CACNA2D1: variants seen among roughly 807,000 people sequenced by gnomAD.
The protein encoded by CACNA2D1 is voltage-dependent calcium channel subunit alpha-2/delta-1.
In CACNA2D1, 53 loss-of-function variants were observed where a neutral mutation model predicts 171.5. The observed-to-expected ratio is 0.31, with a 90% CI of 0.25 to 0.39. CACNA2D1 has a LOEUF of 0.39. Among genes scored for constraint, CACNA2D1 ranks in the 10% least tolerant of loss-of-function variants. The pLI is 1.00. For missense variants in CACNA2D1, 903 were observed against 1,299.8 expected (o/e 0.69, Z 4.69); for synonymous variants, 442 against 443.1 (o/e 1.00, Z 0.03).
intron 38 of CACNA2D1, among the ~76,000 whole-genome samples, chr7:81,952,905 C>A (rs935899451): frequency 6.6e-6 from 1 of 151,994 alleles, no homozygotes. Context: ...CTTGACTTGC[C>A]TTGCCCCTAA....
At chr7:82,248,851 C>CT (rs1411567305) in intron 3 of CACNA2D1, among the ~76,000 whole-genome samples, 3 of 151,662 alleles carry the variant, frequency 2.0e-5, no homozygotes, top group Non-Finnish European at 4.4e-5. Flanking sequence ...GGCGCGGTGG[C>CT]TCACGCCTCT....
chr7:82,104,702 C>A (rs969934062), intron 6 of CACNA2D1, among the ~76,000 whole-genome samples: 2 of 152,024 alleles, frequency 1.3e-5, no homozygotes, highest in African/African-American at 4.8e-5. Context: ...AAGCAACCCA[C>A]AACATCCTTT....
chr7:82,374,342 C>T (rs1283108592), intron 1 of CACNA2D1, among the ~76,000 whole-genome samples: 2 of 152,186 alleles, frequency 1.3e-5, no homozygotes, highest in African/African-American at 2.4e-5. Flanking sequence ...TAGTCATTAA[C>T]AGGAATCACC....
chr7:82,300,612 C>T lies in CACNA2D1; in HGVS notation c.294+34523G>A, dbSNP rs575917409. On this transcript the variant is annotated intron_variant, in intron 3 of 38. Transcript: ENST00000356860. ...ATTTCTAACTCCTAAAGTTTAAACA[C>T]GTCAACCATGTTTTCCAACTTAAGG... 3.9e-5 allele frequency among the ~76,000 whole-genome samples: 6 copies of T among 152,182 alleles called. No homozygotes were observed. The East Asian group carries it at 9.6e-4, about 24-fold the overall frequency.
At chr7:82,308,683 T>C (rs985187397) in intron 3 of CACNA2D1, among the ~76,000 whole-genome samples, 1 of 152,228 alleles carries the variant, frequency 6.6e-6, no homozygotes, top group Non-Finnish European at 1.5e-5. Context: ...ACCCATACCA[T>C]GGGAAAGGCA....
At chr7:82,107,976 A>C (rs1219034853) in intron 6 of CACNA2D1, among the ~76,000 whole-genome samples, 1 of 152,200 alleles carries the variant, frequency 6.6e-6, no homozygotes, top group Non-Finnish European at 1.5e-5. Context: ...CAGGAAAGTC[A>C]TCCTTATCCA....
At position 82,380,787 on chromosome 7, in the gene CACNA2D1, C is replaced by T. The variant is rs1007247513; in HGVS notation, c.96-31138G>A. Among the ~76,000 whole-genome samples the T allele has an allele frequency of 8.5e-5, 13 of 152,060 alleles. No homozygotes were observed. The East Asian group carries it at 2.4e-3, about 28-fold the overall frequency. ...TCGGCTCACTGCGACCTCCGCCTGCCAGGTTCAAGCGATTTTCATGCCTCA... is the reference window on the plus strand; with the variant it reads ...TCGGCTCACTGCGACCTCCGCCTGCTAGGTTCAAGCGATTTTCATGCCTCA... On this transcript the variant is annotated intron_variant, in intron 1 of 38. Transcript: ENST00000356860.
chr7:82,386,493 T>A (rs2129450015), intron 1 of CACNA2D1, among the ~76,000 whole-genome samples: 1 of 152,176 alleles, frequency 6.6e-6, no homozygotes, highest in East Asian at 1.9e-4. Flanking sequence ...ATGCCTTTAA[T>A]CCCAGCACTT....
At chr7:82,043,073 G>A (rs1804148308) in intron 10 of CACNA2D1, among the ~76,000 whole-genome samples, 1 of 152,102 alleles carries the variant, frequency 6.6e-6, no homozygotes, top group Non-Finnish European at 1.5e-5. Context: ...TTTGGATGTG[G>A]ACTTTAAGAA....
In CACNA2D1 at chr7:81,961,942, T is replaced by A. The variant is rs768408345; in HGVS notation, c.2918A>T (p.Asn973Ile). The change falls in exon 36 of 39, where the codon AAC becomes ATC. Residue 973 changes from asparagine to isoleucine, a missense_variant. By Grantham distance (149) the Asn-to-Ile change is moderately radical. This residue lies in a region of CACNA2D1 where 623 missense variants were observed against 925.5 expected (regional missense o/e 0.67). Coordinates refer to ENST00000356860, the MANE Select transcript of CACNA2D1 (RefSeq NM_000722.4). The stretch of plus-strand genomic sequence containing the variant: ...TACACCACTGAATGATTTACTGTCG[T>A]TATCGAAGAAATACTGGGTTTGTTC... The part of the protein sequence containing the change: ...ITEQTQYFFD[N>I]DSKSFSGVLD... 2.5e-5 allele frequency: 41 copies of A among 1,611,514 alleles called. No homozygotes were observed. The highest frequency in any genetic ancestry group is 1.3e-4 in the Admixed American group (8 of 59,852).
At chr7:82,076,334 G>A (rs886346759) in intron 7 of CACNA2D1, among the ~76,000 whole-genome samples, 5 of 152,086 alleles carry the variant, frequency 3.3e-5, no homozygotes, top group South Asian at 4.1e-4. Flanking sequence ...GTGCTTGAGC[G>A]TAAACAGAGC....
At chr7:82,181,042 T>A (rs1285085223) in intron 3 of CACNA2D1, among the ~76,000 whole-genome samples, 1 of 29,020 alleles carries the variant, frequency 3.4e-5, no homozygotes, top group Admixed American at 3.4e-4. Context: ...GCATGTCGGA[T>A]TTTTTTTTTT....
chr7:81,954,301 ATAT>A (rs1792955587), intron 38 of CACNA2D1, among the ~76,000 whole-genome samples: 1 of 151,928 alleles, frequency 6.6e-6, no homozygotes, highest in African/African-American at 2.4e-5. Context: ...TGCAGTGCCA[ATAT>A]TATATATATA....
intron 7 of CACNA2D1, among the ~76,000 whole-genome samples, chr7:82,080,906 C>G (rs1809670212): frequency 6.6e-6 from 1 of 152,206 alleles, no homozygotes; most frequent in African/African-American, 2.4e-5. Context: ...TTGACATGCA[C>G]TATTGTAGAA....
At chr7:82,291,649 G>T (rs1811637093) in intron 3 of CACNA2D1, among the ~76,000 whole-genome samples, 1 of 138,332 alleles carries the variant, frequency 7.2e-6, no homozygotes, top group African/African-American at 2.7e-5. Context: ...GTGTGTGTGT[G>T]CATATATATA....
At chr7:82,033,710 AG>A (rs1285394342) in intron 11 of CACNA2D1, among the ~76,000 whole-genome samples, 2 of 152,094 alleles carry the variant, frequency 1.3e-5, no homozygotes, top group Non-Finnish European at 2.9e-5. Flanking sequence ...TTACACTTTA[AG>A]GTCTCCAAAA....
chr7:82,116,369 G>A (rs1015013110), intron 6 of CACNA2D1, among the ~76,000 whole-genome samples: 6 of 152,146 alleles, frequency 3.9e-5, no homozygotes, highest in Non-Finnish European at 8.8e-5. Context: ...CAACACCTGC[G>A]CAAGCTTCCG....
At chr7:82,196,327 A>G (rs770480858) in intron 3 of CACNA2D1, among the ~76,000 whole-genome samples, 2 of 152,156 alleles carry the variant, frequency 1.3e-5, no homozygotes, top group Admixed American at 1.3e-4. Flanking sequence ...TTACTACACT[A>G]TGAGGTTTGG....
intron 5 of CACNA2D1, among the ~76,000 whole-genome samples, chr7:82,119,093 A>C (rs977470236): frequency 2.0e-5 from 3 of 152,154 alleles, no homozygotes; most frequent in African/African-American, 7.2e-5. Flanking sequence ...CTTAACACAG[A>C]ATGTCTCATG....
Sources: gnomAD v4.1 joint callset for allele counts (sites outside exome capture counted in the v4.1 genomes callset) on GRCh38, gnomAD v4.1.1 for gene constraint, gnomAD v4.1.1 regional missense constraint, MANE v1.5 for transcripts, NCBI Gene and HGNC (gene_info 2026-07-23, HGNC 2026-07-21) for gene names.